CPNE4: variants seen among roughly 807,000 people sequenced by gnomAD.
CPNE4 encodes copine-4.
In CPNE4, 25 loss-of-function variants were observed where a neutral mutation model predicts 67.9. The observed-to-expected ratio is 0.37, with a 90% confidence interval of 0.27 to 0.51. CPNE4 has a LOEUF of 0.51. Among genes scored for constraint, CPNE4 ranks in the 20% least tolerant of loss-of-function variants. The probability of loss-of-function intolerance (pLI) is 0.93; values close to 1 mark genes in which losing one functional copy is unlikely to be tolerated. For missense variants in CPNE4, 464 were observed against 690.8 expected (o/e 0.67, Z 3.68); for synonymous variants, 242 against 244.9 (o/e 0.99, Z 0.11).
At chr3:131,940,404 T>C (rs79390472) in intron 1 of CPNE4, among the ~76,000 whole-genome samples, 2,974 of 152,236 alleles carry the variant, frequency 0.02, 26 homozygotes, top group Non-Finnish European at 0.029. Context: ...TTTGTCTTTA[T>C]ATTTATCAGT....
chr3:131,799,736 T>C (rs532136021), intron 2 of CPNE4, among the ~76,000 whole-genome samples: 1 of 152,154 alleles, frequency 6.6e-6, no homozygotes, highest in Non-Finnish European at 1.5e-5. Flanking sequence ...ATACCCAGCA[T>C]GACAATTCAG....
At chr3:131,882,237 TTA>T (rs2087701896) in intron 2 of CPNE4, among the ~76,000 whole-genome samples, 1 of 152,088 alleles carries the variant, frequency 6.6e-6, no homozygotes, top group South Asian at 2.1e-4. Flanking sequence ...TATTAGTATT[TTA>T]TATGTGTCAT....
intron 7 of CPNE4, among the ~76,000 whole-genome samples, chr3:131,661,766 TC>T (rs1210851434): frequency 6.6e-6 from 1 of 152,144 alleles, no homozygotes. Context: ...ATTTTTTTTT[TC>T]CTGTTACAAA....
chr3:131,694,140 C>T (rs1180466441), intron 5 of CPNE4, among the ~76,000 whole-genome samples: 1 of 152,100 alleles, frequency 6.6e-6, no homozygotes, highest in East Asian at 1.9e-4. Flanking sequence ...CATATTCATA[C>T]TTCAATTTTT....
chr3:131,646,432 T>C (rs2079666321), intron 7 of CPNE4, among the ~76,000 whole-genome samples: 1 of 152,130 alleles, frequency 6.6e-6, no homozygotes, highest in Non-Finnish European at 1.5e-5. Flanking sequence ...AAGCTCACTA[T>C]ATATAGCAGA....
At chr3:131,942,123 G>A (rs953507464) in intron 1 of CPNE4, among the ~76,000 whole-genome samples, 19 of 151,824 alleles carry the variant, frequency 1.3e-4, no homozygotes, top group South Asian at 4.2e-4. Flanking sequence ...AAATGTTACC[G>A]TTAAACTTCC....
intron 7 of CPNE4, among the ~76,000 whole-genome samples, chr3:131,636,774 G>A (rs1180028729): frequency 3.3e-5 from 5 of 152,110 alleles, no homozygotes; most frequent in Non-Finnish European, 7.3e-5. Flanking sequence ...TAAGGACCCT[G>A]ATAGAGTCCA....
intron 2 of CPNE4, among the ~76,000 whole-genome samples, chr3:131,867,032 C>T (rs1297684615): frequency 1.3e-5 from 2 of 152,176 alleles, no homozygotes; most frequent in Admixed American, 1.3e-4. Context: ...AAGCATAAAA[C>T]ACAAAGACTG....
At chr3:131,920,838 C>CA (rs2070723100) in intron 1 of CPNE4, among the ~76,000 whole-genome samples, 1 of 152,146 alleles carries the variant, frequency 6.6e-6, no homozygotes, top group African/African-American at 2.4e-5. Context: ...CCAAGCATTT[C>CA]ATCTAGAAGG....
intron 2 of CPNE4, among the ~76,000 whole-genome samples, chr3:131,797,752 T>A (rs7624428): frequency 0.2 from 29,746 of 152,186 alleles, 3,631 homozygotes; most frequent in Non-Finnish European, 0.26. Flanking sequence ...CCTGCTCAGA[T>A]ATAACACATC....
intron 1 of CPNE4, among the ~76,000 whole-genome samples, chr3:132,021,330 A>C (rs1319086401): frequency 6.6e-6 from 1 of 152,242 alleles, no homozygotes; most frequent in African/African-American, 2.4e-5. Context: ...AATGCATAGC[A>C]ACAAAGTTCT....
intron 10 of CPNE4, among the ~76,000 whole-genome samples, chr3:131,567,990 C>G (rs986052736): frequency 1.3e-5 from 2 of 151,884 alleles, no homozygotes; most frequent in African/African-American, 4.8e-5. Flanking sequence ...ACGTCTATGA[C>G]AACGAGAGAG....
intron 2 of CPNE4, among the ~76,000 whole-genome samples, chr3:131,842,066 C>T (rs985353283): frequency 6.6e-6 from 1 of 152,108 alleles, no homozygotes; most frequent in Non-Finnish European, 1.5e-5. Context: ...CCTGGGCCAA[C>T]CTGTGCCAGC....
At chr3:131,631,092 T>C (rs1228515268) in intron 7 of CPNE4, among the ~76,000 whole-genome samples, 1 of 152,222 alleles carries the variant, frequency 6.6e-6, no homozygotes, top group Non-Finnish European at 1.5e-5. Context: ...GAAATTACAA[T>C]TGCATGCAGA....
intron 1 of CPNE4, among the ~76,000 whole-genome samples, chr3:132,001,271 G>A (rs1425017406): frequency 6.6e-6 from 1 of 151,858 alleles, no homozygotes; most frequent in Non-Finnish European, 1.5e-5. Flanking sequence ...GAACAGATGA[G>A]GATTATGAGT....
intron 5 of CPNE4, among the ~76,000 whole-genome samples, chr3:131,694,759 G>C (rs949188960): frequency 1.3e-5 from 2 of 152,308 alleles, no homozygotes; most frequent in Middle Eastern, 3.4e-3. Flanking sequence ...CATGTGCGAG[G>C]CATGTGCGTA....
At chr3:131,884,904 T>C (rs1227035483) in intron 2 of CPNE4, among the ~76,000 whole-genome samples, 1 of 152,188 alleles carries the variant, frequency 6.6e-6, no homozygotes, top group Non-Finnish European at 1.5e-5. Context: ...ATCTCTCTCT[T>C]TTGTAAATTG....
chr3:131,618,378 A>G (rs1940278866), intron 7 of CPNE4, among the ~76,000 whole-genome samples: 1 of 152,168 alleles, frequency 6.6e-6, no homozygotes, highest in Non-Finnish European at 1.5e-5. Context: ...CACCTCACCA[A>G]CTTATGACTT....
chr3:131,848,394 C>T (rs1014581318), intron 2 of CPNE4, among the ~76,000 whole-genome samples: 6 of 152,104 alleles, frequency 3.9e-5, no homozygotes, highest in African/African-American at 1.2e-4. Context: ...TCACACTAGT[C>T]CCCACACCAG....
Sources: allele counts gnomAD v4.1 joint callset (sites outside exome capture counted in the v4.1 genomes callset), GRCh38; gene constraint gnomAD v4.1.1; transcripts MANE v1.5; gene names NCBI Gene and HGNC (gene_info 2026-07-23, HGNC 2026-07-21).